ANKFY1: variants seen among roughly 807,000 people sequenced by gnomAD.
The protein encoded by ANKFY1 is ankyrin repeat and FYVE domain-containing protein 1.
ANKFY1 carries 47 observed loss-of-function variants against 128.3 expected under a neutral mutation model. The observed-to-expected ratio is 0.37, with a 90% CI of 0.29 to 0.47. The LOEUF (loss-of-function observed/expected upper bound fraction) is 0.47, where lower values mean the gene tolerates loss of function less well. Ranked by LOEUF, ANKFY1 falls within the 20% of genes least tolerant of loss-of-function variation. The probability of loss-of-function intolerance (pLI) is 1.00; values close to 1 mark genes in which losing one functional copy is unlikely to be tolerated. For synonymous variants in ANKFY1, 553 were observed against 601.6 expected (o/e 0.92, Z 1.18); for missense variants, 1,222 against 1,510.6 (o/e 0.81, Z 3.17).
intron 3 of ANKFY1, chr17:4,222,941 G>A (rs2060352375): frequency 1.6e-6 from 2 of 1,252,490 alleles, no homozygotes; most frequent in Middle Eastern, 1.9e-4. Context: ...TGCGGATAGA[G>A]AAGAACGACT....
chr17:4,185,443 TC>T (rs1017710617), intron 11 of ANKFY1, among the ~76,000 whole-genome samples: 1 of 152,058 alleles, frequency 6.6e-6, no homozygotes, highest in Non-Finnish European at 1.5e-5. Flanking sequence ...GACCTTGTGA[TC>T]CACCCAACTC....
intron 7 of ANKFY1, among the ~76,000 whole-genome samples, chr17:4,205,853 A>G (rs1326249466): frequency 6.6e-6 from 1 of 152,264 alleles, no homozygotes; most frequent in Non-Finnish European, 1.5e-5. Flanking sequence ...ACTCTGCTAG[A>G]ACAAAATGAA....
At chr17:4,173,588 T>C (rs1219711140) in intron 20 of ANKFY1, 144 bp from the exon 21 acceptor site, 1 of 780,026 alleles carries the variant, frequency 1.3e-6, no homozygotes, top group African/African-American at 1.7e-5. Flanking sequence ...TTTCTGGTCT[T>C]CACCGCCCTC....
At chr17:4,236,124 G>A (rs1236295370) in intron 2 of ANKFY1, among the ~76,000 whole-genome samples, 4 of 152,286 alleles carry the variant, frequency 2.6e-5, no homozygotes, top group African/African-American at 4.8e-5. Flanking sequence ...CATGGCATGC[G>A]CTGCTTTCAA....
At chr17:4,216,443 A>G (rs553871105) in intron 4 of ANKFY1, 1 of 163,320 alleles carries the variant, frequency 6.1e-6, no homozygotes, top group East Asian at 1.6e-4. Context: ...CCAACTTGGG[A>G]GAGCAACAGA....
At chr17:4,227,114 T>TA (rs1286463276) in intron 3 of ANKFY1, among the ~76,000 whole-genome samples, 2 of 152,228 alleles carry the variant, frequency 1.3e-5, no homozygotes, top group Non-Finnish European at 2.9e-5. Flanking sequence ...ATTCTGGACT[T>TA]AGATTACTTC....
At chr17:4,190,625 G>A (rs532261739) in intron 10 of ANKFY1, among the ~76,000 whole-genome samples, 7 of 151,966 alleles carry the variant, frequency 4.6e-5, no homozygotes, top group East Asian at 1.9e-4. Flanking sequence ...GTTTGTTCTT[G>A]GCTTAGAAAT....
At chr17:4,171,551 A>C (rs1283305610) in intron 22 of ANKFY1, among the ~76,000 whole-genome samples, 1 of 152,202 alleles carries the variant, frequency 6.6e-6, no homozygotes, top group African/African-American at 2.4e-5. Context: ...GAATGCACCC[A>C]GTCACCCTGC....
At chr17:4,209,331 C>T (rs574362596) in intron 5 of ANKFY1, among the ~76,000 whole-genome samples, 1 of 152,238 alleles carries the variant, frequency 6.6e-6, no homozygotes, top group African/African-American at 2.4e-5. Context: ...GACGGAGTCT[C>T]GCTCTGTCAC....
At chr17:4,247,395 A>G (rs1384858887) in intron 1 of ANKFY1, among the ~76,000 whole-genome samples, 2 of 152,224 alleles carry the variant, frequency 1.3e-5, no homozygotes, top group Admixed American at 1.3e-4. Context: ...CAAGGTAATG[A>G]GCAGAGAAGA....
At chr17:4,237,176 A>G (rs1161198409) in intron 2 of ANKFY1, among the ~76,000 whole-genome samples, 1 of 152,184 alleles carries the variant, frequency 6.6e-6, no homozygotes. Flanking sequence ...TTGTTTGTAT[A>G]TAATGCTTGA....
At position 4,169,277 on chromosome 17, in the gene ANKFY1, T is replaced by G. The variant is rs199537358; in HGVS notation, c.3298A>C (p.Lys1100Gln). Reference protein sequence around the residue: ...LLFRLLDMLSKEPPWCDGSYC... With the variant: ...LLFRLLDMLSQEPPWCDGSYC... ...GAGCCGTCACACCACGGAGGCTCCT[T>G]GGACAGCATATCTGCAACACAGGGG... The change falls in exon 24 of 25, where the codon AAG (lysine) becomes CAG (glutamine). Residue 1100 changes from lysine to glutamine, a missense_variant. Lys to Gln is a moderately conservative substitution (Grantham distance 53). Coordinates refer to ENST00000341657, the MANE Select transcript of ANKFY1 (RefSeq NM_001330063.2). The surrounding 1 kb of genome is among the most constrained non-coding windows in gnomAD (Gnocchi z 5.0). 158 of 1,550,078 alleles carry G rather than the reference T, an allele frequency of 1.0e-4. No homozygotes were observed. The African/African-American group carries it at 1.9e-3, about 19-fold the overall frequency.
chr17:4,235,494 GA>G (rs1320976944), intron 3 of ANKFY1, among the ~76,000 whole-genome samples: 1 of 152,038 alleles, frequency 6.6e-6, no homozygotes, highest in Non-Finnish European at 1.5e-5. Flanking sequence ...TGAGTGTACG[GA>G]AAAACACTTA....
At chr17:4,263,462 G>GCCCCCCCCCCCCCCCC in intron 1 of ANKFY1, 1 of 1,213,702 alleles carries the variant, frequency 8.2e-7, no homozygotes, top group Non-Finnish European at 1.1e-6. Flanking sequence ...CTGCTGCCTC[G>GCCCCCCCCCCCCCCCC]CCCCCACCCC....
Position 4,250,315 on chromosome 17 carries a change from T to C in ANKFY1, c.11-7867A>G, listed in dbSNP as rs1217550124. On this transcript the variant is annotated intron_variant, in intron 1 of 24. Transcript: ENST00000341657. ...TCGACAAGTCCAAAATCAAACTTCATATCTTCCTCAAATCAAAGTCTTCTT... is the reference window on the plus strand; with the variant it reads ...TCGACAAGTCCAAAATCAAACTTCACATCTTCCTCAAATCAAAGTCTTCTT... 1.3e-5 allele frequency among the ~76,000 whole-genome samples: 2 copies of C among 152,236 alleles called. 1 individual carries two copies. Among genetic ancestry groups the C allele is most frequent in the Non-Finnish European group, 2.9e-5 (2 of 68,046 alleles).
At position 4,217,014 on chromosome 17, in the gene ANKFY1, T is replaced by C. The variant is rs762853232; in HGVS notation, c.427A>G (p.Asn143Asp). The change falls in exon 4 of 25, where the codon AAT (asparagine) becomes GAT (aspartate). Residue 143 changes from asparagine (N) to aspartate (D), a missense_variant. By Grantham distance (23) the Asn-to-Asp change is conservative. Coordinates refer to ENST00000341657, the MANE Select transcript of ANKFY1 (RefSeq NM_001330063.2). ...CTGAGGAGCTGTAGCTGAAACCGAT[T>C]TGCTAGTTTCATCAGTTCAGTCAGG... ...VFLTELMKLANRFQLQLLRER... is the reference protein window; with the variant it reads ...VFLTELMKLADRFQLQLLRER... 1 of 1,614,208 alleles carries C rather than the reference T, an allele frequency of 6.2e-7. No individual in the cohort carries two copies. Among genetic ancestry groups the C allele is most frequent in the South Asian group, 1.1e-5 (1 of 91,082 alleles).
rs2059396110 is a variant in ANKFY1, at chr17:4,175,452, CTCTT to C, written c.2776-1400_2776-1397del. Among the ~76,000 whole-genome samples the C allele has an allele frequency of 3.9e-5, 6 of 152,310 alleles. No individual in the cohort carries two copies. The South Asian group carries it at 1.0e-3, about 26-fold the overall frequency. On this transcript the variant is annotated intron_variant, in intron 19 of 24. Transcript: ENST00000341657. The stretch of plus-strand genomic sequence containing the variant: ...CGTTTAGTATTTGAAGTTCGTCATC[CTCTT>C]TCTGACAAAGTTTAAAAAACAATCG...
rs1011715891 is a variant in ANKFY1, at chr17:4,169,997, C to T, written c.3287-709G>A. On this transcript the variant is annotated intron_variant, in intron 23 of 24. Coordinates refer to ENST00000341657, the MANE Select transcript of ANKFY1 (RefSeq NM_001330063.2). This position sits in a 1 kb window ranked among gnomAD's most constrained non-coding sequence, Gnocchi z 5.0. The stretch of plus-strand genomic sequence containing the variant: ...CTGAGTAATGGGATGTGTGTGCTGC[C>T]GGCCCTGTGATGGGCACCGGTGCTG... Among the ~76,000 whole-genome samples, 1 of 152,160 alleles carries T rather than the reference C, an allele frequency of 6.6e-6. No individual in the cohort carries two copies. Among genetic ancestry groups the T allele is most frequent in the African/African-American group, 2.4e-5 (1 of 41,418 alleles).
intron 21 of ANKFY1, 81 bp downstream of exon 21, chr17:4,173,273 G>T: frequency 7.2e-7 from 1 of 1,384,174 alleles, no homozygotes; most frequent in Non-Finnish European, 1.0e-6. Flanking sequence ...CCTCCCTGGG[G>T]CTGATGGGAG....
Sources: gnomAD v4.1 joint callset for allele counts (sites outside exome capture counted in the v4.1 genomes callset) on GRCh38, gnomAD v4.1.1 for gene constraint, Gnocchi (gnomAD v3.1) non-coding constraint, MANE v1.5 for transcripts, NCBI Gene and HGNC (gene_info 2026-07-23, HGNC 2026-07-21) for gene names.